VIT: variants seen among roughly 807,000 people sequenced by gnomAD.
VIT encodes the protein vitrin.
VIT carries 99 observed loss-of-function variants against 78.0 expected under a neutral mutation model. That is an observed-to-expected ratio of 1.27 (90% CI 1.08 to 1.50). The LOEUF (loss-of-function observed/expected upper bound fraction) is 1.50. VIT is among the 40% of genes most tolerant of loss of function. The pLI, the probability that VIT is intolerant of heterozygous loss-of-function variation, is 0.00. For synonymous variants in VIT, 374 were observed against 334.3 expected, an observed-to-expected ratio of 1.12 and a Z score of -1.29; for missense variants, 1,126 against 875.3, an observed-to-expected ratio of 1.29 and a Z score of -3.61.
Position 36,722,063 on chromosome 2 carries a change from A to G in VIT, c.52+5641A>G, listed in dbSNP as rs150472824. Among the ~76,000 whole-genome samples, 267 of 152,362 alleles carry G rather than the reference A, an allele frequency of 1.8e-3. 7 individuals carry two copies. In the East Asian group the frequency reaches 0.023, roughly 13 times the overall value. On this transcript the variant is annotated intron_variant, in intron 2 of 15. Coordinates refer to ENST00000379242, the MANE Select transcript of VIT (RefSeq NM_053276.4). The stretch of plus-strand genomic sequence containing the variant: ...CTTAAGGACGCTGGATTTTTAAGGT[A>G]TCGGAGCCATCCAAGGATCCCTCAA...
chr2:36,776,527 G>A (rs1241704985), intron 9 of VIT, among the ~76,000 whole-genome samples: 1 of 152,152 alleles, frequency 6.6e-6, no homozygotes, highest in Non-Finnish European at 1.5e-5. Flanking sequence ...TAGGCCGGGT[G>A]CGGTGGTTCA....
At chr2:36,787,646 G>A (rs1665197833) in intron 12 of VIT, 1 of 331,402 alleles carries the variant, frequency 3.0e-6, no homozygotes, top group Non-Finnish European at 5.8e-6. Context: ...TGTAGATCAT[G>A]AAGGTTGGAT....
chr2:36,797,470 G>C (rs1395950205), intron 12 of VIT, among the ~76,000 whole-genome samples: 2 of 152,190 alleles, frequency 1.3e-5, no homozygotes, highest in Non-Finnish European at 2.9e-5. Context: ...ATTTGATGAG[G>C]AGAGTGTCAG....
rs189152518 is a variant in VIT, at chr2:36,795,511, C to G, written c.1059-5790C>G. On this transcript the variant is annotated intron_variant, in intron 12 of 15. Coordinates refer to ENST00000379242, the MANE Select transcript of VIT (RefSeq NM_053276.4). ...CACTGCAACCTCCGCCTCCCGGGTT[C>G]AAGCGATTCTCCTGTCTCAGCCTCC... 1.9e-3 allele frequency among the ~76,000 whole-genome samples: 286 copies of G among 152,112 alleles called. 1 individual carries two copies. Among genetic ancestry groups the G allele is most frequent in the African/African-American group, 6.6e-3 (274 of 41,494 alleles).
intron 9 of VIT, among the ~76,000 whole-genome samples, chr2:36,777,043 C>G (rs549195657): frequency 2.8e-5 from 4 of 142,268 alleles, no homozygotes; most frequent in African/African-American, 7.4e-5. Context: ...GAGCCGAGAT[C>G]ACGCCACTGC....
intron 4 of VIT, among the ~76,000 whole-genome samples, chr2:36,752,946 T>G (rs140599249): frequency 7.0e-4 from 107 of 152,230 alleles, no homozygotes; most frequent in Non-Finnish European, 7.8e-4. Flanking sequence ...AGCAAAAACA[T>G]GGAATCAACC....
chr2:36,799,106 G>A (rs1482574340), intron 12 of VIT, among the ~76,000 whole-genome samples: 1 of 152,180 alleles, frequency 6.6e-6, no homozygotes, highest in South Asian at 2.1e-4. Context: ...TGTCTTCCCT[G>A]AAGGTGTCCA....
intron 1 of VIT, among the ~76,000 whole-genome samples, chr2:36,700,202 C>T (rs1664964768): frequency 6.6e-6 from 1 of 152,104 alleles, no homozygotes. Flanking sequence ...TCCAGGGAAT[C>T]TGAGCTAGTC....
At chr2:36,767,426 C>A in intron 7 of VIT, 141 bp downstream of exon 7, 1 of 807,660 alleles carries the variant, frequency 1.2e-6, no homozygotes, top group Non-Finnish European at 1.7e-6. Flanking sequence ...TTATTTGTGT[C>A]CTCCTCCTAG....
intron 14 of VIT, among the ~76,000 whole-genome samples, chr2:36,807,080 GATCT>G (rs1424546556): frequency 6.6e-6 from 1 of 152,088 alleles, no homozygotes; most frequent in Non-Finnish European, 1.5e-5. Flanking sequence ...CCACATCACA[GATCT>G]CTCTCCCTCC....
At position 36,699,531 on chromosome 2, in the gene VIT, C is replaced by T. The variant is rs200244251; in HGVS notation, c.-19+2558C>T. Reference sequence around the variant, plus strand: ...TTAGAGGGGGTTATATATATATATACACACACATATATATAGATGTCTCCA... The same window carrying T: ...TTAGAGGGGGTTATATATATATATATACACACATATATATAGATGTCTCCA... On this transcript the variant is annotated intron_variant, in intron 1 of 15. Coordinates refer to ENST00000379242, the MANE Select transcript of VIT (RefSeq NM_053276.4). Among the ~76,000 whole-genome samples the T allele has an allele frequency of 8.7e-3, 748 of 85,878 alleles. 2 individuals are homozygous for T. Among genetic ancestry groups the T allele is most frequent in the African/African-American group, 0.021 (614 of 29,406 alleles). The allele number at this position is 85,878 out of a possible 152,430, so 56.3% of individuals were successfully genotyped here.
intron 10 of VIT, 94 bp from the exon 11 acceptor site, chr2:36,783,246 C>T (rs1664878530): frequency 8.3e-7 from 1 of 1,210,782 alleles, no homozygotes; most frequent in Non-Finnish European, 1.2e-6. Flanking sequence ...AGCCCCCAAG[C>T]TGGGTGTGAA....
chr2:36,810,782 C>T (rs939907806), intron 15 of VIT, among the ~76,000 whole-genome samples: 1 of 152,028 alleles, frequency 6.6e-6, no homozygotes, highest in African/African-American at 2.4e-5. Context: ...TACAGGCACA[C>T]ACCACCACGC....
chr2:36,776,024 TGTATAAA>T (rs1197568175), intron 9 of VIT, among the ~76,000 whole-genome samples: 1 of 152,242 alleles, frequency 6.6e-6, no homozygotes, highest in Non-Finnish European at 1.5e-5. Flanking sequence ...TGGAAAGAAT[TGTATAAA>T]GTACATCTGG....
Position 36,798,207 on chromosome 2 carries a change from A to G in VIT, c.1059-3094A>G, listed in dbSNP as rs569405405. Among the ~76,000 whole-genome samples, 5 of 152,294 alleles carry G rather than the reference A, an allele frequency of 3.3e-5. No homozygotes were observed. The South Asian group carries it at 8.3e-4, about 25-fold the overall frequency. ...TTTCTGATGATTTCCAAGCAGGGGA[A>G]TTTTGCGGGCAGAACTGAGGACTGA... On this transcript the variant is annotated intron_variant, in intron 12 of 15. Coordinates refer to ENST00000379242, the MANE Select transcript of VIT (RefSeq NM_053276.4).
intron 2 of VIT, among the ~76,000 whole-genome samples, chr2:36,718,784 A>C (rs1054328533): frequency 1.3e-5 from 2 of 152,178 alleles, no homozygotes; most frequent in Non-Finnish European, 2.9e-5. Context: ...AACCATCCCA[A>C]CACTGCCTCT....
chr2:36,764,156 C>T (rs1669284742), intron 6 of VIT, among the ~76,000 whole-genome samples: 1 of 152,144 alleles, frequency 6.6e-6, no homozygotes, highest in African/African-American at 2.4e-5. Flanking sequence ...TTTTAGGTGG[C>T]AAAAAGTGTT....
At chr2:36,813,615 G>C (rs1292308319) in intron 15 of VIT, among the ~76,000 whole-genome samples, 2 of 152,176 alleles carry the variant, frequency 1.3e-5, no homozygotes, top group Admixed American at 6.5e-5. Flanking sequence ...TTTGGCAAGG[G>C]TTCCTGCACT....
At chr2:36,781,267 G>A (rs997617306) in intron 9 of VIT, among the ~76,000 whole-genome samples, 1 of 152,156 alleles carries the variant, frequency 6.6e-6, no homozygotes, top group Non-Finnish European at 1.5e-5. Context: ...TGGATGTATG[G>A]ATAGATGGGA....
Sources: allele counts gnomAD v4.1 joint callset (sites outside exome capture counted in the v4.1 genomes callset), GRCh38; gene constraint gnomAD v4.1.1; transcripts MANE v1.5; gene names NCBI Gene and HGNC (gene_info 2026-07-23, HGNC 2026-07-21).